The following CYP11B1 variants were observed in gnomAD, a reference collection of about 807,000 sequenced individuals.
CYP11B1 encodes cytochrome P450 11B1, mitochondrial.
Under a neutral mutation model 48.3 loss-of-function variants are expected in CYP11B1, and 34 were observed. That is an observed-to-expected ratio of 0.70 (90% CI 0.54 to 0.94). The LOEUF (loss-of-function observed/expected upper bound fraction) is 0.94. Ranked by LOEUF, CYP11B1 falls within the 40% of genes least tolerant of loss-of-function variation. The pLI is 0.00. For synonymous variants in CYP11B1, 291 were observed against 262.5 expected, an observed-to-expected ratio of 1.11 and a Z score of -1.05; for missense variants, 688 against 657.4, an observed-to-expected ratio of 1.05 and a Z score of -0.51.
chr8:142,876,110 A>C, intron 5 of CYP11B1, 131 bp downstream of exon 5: 1 of 1,350,910 alleles, frequency 7.4e-7, no homozygotes, highest in Non-Finnish European at 1.0e-6. Flanking sequence ...TCACATCACA[A>C]TCCCAAGTAA....
In CYP11B1 at chr8:142,877,106, G is replaced by A. The variant is rs201526062; in HGVS notation, c.512C>T (p.Ala171Val). 9 of 1,614,006 alleles carry A rather than the reference G, an allele frequency of 5.6e-6. No homozygotes were observed. In the East Asian group the frequency reaches 1.8e-4, roughly 32 times the overall value. ...GTTCTGCAGCACCTTCTTCTTCAGG[G>A]CCTGGGAGAAGTCCCTGGCCACTGC... ...VDAVARDFSQ[A>V]LKKKVLQNAR... Residue 171 changes from alanine (A) to valine (V), a missense_variant, in exon 3 of 9, where the codon GCC becomes GTC. Transcript: ENST00000292427.
Position 142,879,642 on chromosome 8 carries a change from C to T in CYP11B1, c.172G>A (p.Glu58Lys), listed in dbSNP as rs755069041. The T allele has an allele frequency of 1.2e-6, 2 of 1,614,242 alleles. No homozygotes were observed. Among genetic ancestry groups the T allele is most frequent in the South Asian group, 1.1e-5 (1 of 91,084 alleles). ...AGGTGCAGGTCCTCATAACCCTGCT[C>T]CCTCCAGATCTGCAGCAGCCTCAGC... ...RWLRLLQIWR[E>K]QGYEDLHLEV... is the part of the protein sequence containing the mutation. The change falls in exon 1 of 9, where the codon GAG becomes AAG. Residue 58 changes from glutamate to lysine, a missense_variant. By Grantham distance (56) the Glu-to-Lys change is moderately conservative. Transcript: ENST00000292427.
intron 5 of CYP11B1, 71 bp from the exon 6 acceptor site, chr8:142,875,949 A>G (rs1257198916): frequency 1.3e-6 from 2 of 1,586,726 alleles, no homozygotes; most frequent in African/African-American, 1.3e-5. Context: ...CCCTCCCAGG[A>G]CAACCTCCCT....
At chr8:142,877,262 A>G (rs551914122) in intron 2 of CYP11B1, 40 bp from the exon 3 acceptor site, 171 of 1,554,480 alleles carry the variant, frequency 1.1e-4, no homozygotes, top group Non-Finnish European at 1.4e-4. Flanking sequence ...CCGCCCCAGC[A>G]AGACACAGGC....
At chr8:142,876,923 C>T (rs368896004) in intron 3 of CYP11B1, 38 bp from the exon 4 acceptor site, 83 of 1,613,514 alleles carry the variant, frequency 5.1e-5, no homozygotes, top group Admixed American at 6.7e-5. Context: ...AAGGCAGCCC[C>T]GGGCCTCCTG....
At position 142,879,053 on chromosome 8, in the gene CYP11B1, T is replaced by A; in HGVS notation, c.374A>T (p.His125Leu). 5 of 1,614,210 alleles carry A rather than the reference T, an allele frequency of 3.1e-6. No homozygotes were observed. Among genetic ancestry groups the A allele is most frequent in the Non-Finnish European group, 4.2e-6 (5 of 1,180,042 alleles). The change falls in exon 2 of 9, where the codon CAC becomes CTC. Residue 125 changes from histidine to leucine, a missense_variant. Transcript: ENST00000292427. ...TTACAGCAAGAACACGCCACATTTG[T>A]GCCCACGATGTTGTCTGTAGGCCAC... ...PWVAYRQHRGHKCGVFLLNGP... is the reference protein window; with the variant it reads ...PWVAYRQHRGLKCGVFLLNGP...
At position 142,874,218 on chromosome 8, in the gene CYP11B1, T is replaced by A; in HGVS notation, c.*155A>T. On this transcript the variant is annotated 3_prime_UTR_variant, in exon 9 of 9. Transcript: ENST00000292427. ...TGCTGCTTAGCCTGGCAAACCCTGG[T>A]CCTAGAGGCCCTCGGGAGTTCCATT... The A allele has an allele frequency of 1.5e-6, 1 of 685,792 alleles. No individual in the cohort carries two copies. The highest frequency in any genetic ancestry group is 2.7e-6 in the Non-Finnish European group (1 of 371,812). 42.5% of individuals were successfully genotyped at this position (685,792 alleles called of 1,614,324 possible).
At position 142,874,326 on chromosome 8, in the gene CYP11B1, A is replaced by C; in HGVS notation, c.*47T>G. The C allele has an allele frequency of 2.2e-6, 3 of 1,374,248 alleles. No homozygotes were observed. The highest frequency in any genetic ancestry group is 3.1e-6 in the Non-Finnish European group (3 of 961,200). 85.1% of individuals were successfully genotyped at this position (1,374,248 alleles called of 1,614,324 possible). On this transcript the variant is annotated 3_prime_UTR_variant, in exon 9 of 9. Coordinates refer to ENST00000292427, the MANE Select transcript of CYP11B1 (RefSeq NM_000497.4). ...AGAGGGGTGGCCTGGGGTCAGGCAG[A>C]AAGGGAGGCTGGTGGCCAGGCTGGG... is the stretch of plus-strand genomic sequence containing the variant.
chr8:142,879,697 T>C lies in CYP11B1; in HGVS notation c.117A>G (p.Glu39=). Residue 39 remains glutamate (E), a synonymous_variant, in exon 1 of 9, where the codon GAA becomes GAG. Transcript: ENST00000292427. ...TGTTGCCTGGACGCCGGGGCATGGCTTCAAAGGGCAGCACTGTCCTGGGGA... is the reference window on the plus strand; with the variant it reads ...TGTTGCCTGGACGCCGGGGCATGGCCTCAAAGGGCAGCACTGTCCTGGGGA... ...ARVPRTVLPF[E]AMPRRPGNRW... is the part of the protein sequence containing the mutation. 1.2e-6 allele frequency: 2 copies of C among 1,614,236 alleles called. No homozygotes were observed. The highest frequency in any genetic ancestry group is 4.5e-5 in the East Asian group (2 of 44,886).
chr8:142,876,054 G>T, intron 5 of CYP11B1, 176 bp from the exon 6 acceptor site: 1 of 1,126,918 alleles, frequency 8.9e-7, no homozygotes. Flanking sequence ...GTCCTCCACA[G>T]AAAGGAACCC....
At chr8:142,878,643 C>T (rs1050986594) in intron 2 of CYP11B1, among the ~76,000 whole-genome samples, 1 of 152,232 alleles carries the variant, frequency 6.6e-6, no homozygotes, top group African/African-American at 2.4e-5. Context: ...CGGCGAACAC[C>T]AGGCTCAGTA....
Position 142,876,887 on chromosome 8 carries a change from T to C in CYP11B1, c.596-2A>G. On this transcript the variant is annotated splice_acceptor_variant, in intron 3 of 8. Coordinates refer to ENST00000292427, the MANE Select transcript of CYP11B1 (RefSeq NM_000497.4). LOFTEE classifies it high-confidence loss of function. ...CTCCAAAAAGAGCCAAGTTGCTGGC[T>C]GCGGGGAGGATGCACTGCTGAGCAC... 1.9e-6 allele frequency: 3 copies of C among 1,614,144 alleles called. No homozygotes were observed. Among genetic ancestry groups the C allele is most frequent in the Non-Finnish European group, 2.5e-6 (3 of 1,180,028 alleles).
In CYP11B1 at chr8:142,874,948, C is replaced by T. The variant is rs2130265954; in HGVS notation, c.1398+9G>A. 1.9e-6 allele frequency: 3 copies of T among 1,612,704 alleles called. No individual in the cohort carries two copies. Among genetic ancestry groups the T allele is most frequent in the Non-Finnish European group, 2.5e-6 (3 of 1,179,948 alleles). On this transcript the variant is annotated intron_variant, in intron 8 of 8. Transcript: ENST00000292427. ...CGCCCAGGCCCCTCCCCAGCCCGGG[C>T]CTGCTCACATGGTGCAGCAGCAGCA...
chr8:142,874,303 A>G lies in CYP11B1; in HGVS notation c.*70T>C. The G allele has an allele frequency of 9.7e-7, 1 of 1,027,118 alleles. No individual in the cohort carries two copies. Among genetic ancestry groups the G allele is most frequent in the Non-Finnish European group, 1.6e-6 (1 of 644,374 alleles). The allele number at this position is 1,027,118 out of a possible 1,614,324, so 63.6% of individuals were successfully genotyped here. On this transcript the variant is annotated 3_prime_UTR_variant, in exon 9 of 9. Coordinates refer to ENST00000292427, the MANE Select transcript of CYP11B1 (RefSeq NM_000497.4). ...GGAAGCTGTGCATGTGGGAGAGAAG[A>G]GGGGTGGCCTGGGGTCAGGCAGAAA...
chr8:142,874,271 T>A lies in CYP11B1; in HGVS notation c.*102A>T, dbSNP rs949008041. The stretch of plus-strand genomic sequence containing the variant: ...TGCTGGGGCTGGTTAGACAGAGGGG[T>A]GACTCAGGAAGCTGTGCATGTGGGA... On this transcript the variant is annotated 3_prime_UTR_variant, in exon 9 of 9. Transcript: ENST00000292427. 1.2e-5 allele frequency: 10 copies of A among 828,266 alleles called. No homozygotes were observed. The Admixed American group carries it at 1.6e-4, about 14-fold the overall frequency. The allele number at this position is 828,266 out of a possible 1,614,324, so 51.3% of individuals were successfully genotyped here.
At position 142,876,791 on chromosome 8, in the gene CYP11B1, C is replaced by A. The variant is rs1293373552; in HGVS notation, c.690G>T (p.Met230Ile). The change falls in exon 4 of 9, where the codon ATG (methionine) becomes ATT (isoleucine). Residue 230 changes from methionine to isoleucine, a missense_variant. Met to Ile is a conservative substitution (Grantham distance 10, BLOSUM62 1). Transcript: ENST00000292427. ...SLNFLHALEV[M>I]FKSTVQLMFM... is the part of the protein sequence containing the mutation. ...ACATGAGCTGGACGGTGGATTTGAA[C>A]ATGACCTCCAGGGCATGGAGGAAGT... The A allele has an allele frequency of 1.2e-6, 2 of 1,614,190 alleles. No homozygotes were observed. Among genetic ancestry groups the A allele is most frequent in the East Asian group, 4.5e-5 (2 of 44,882 alleles).
intron 2 of CYP11B1, among the ~76,000 whole-genome samples, chr8:142,878,103 G>A (rs565750586): frequency 1.3e-5 from 2 of 152,086 alleles, no homozygotes; most frequent in African/African-American, 4.8e-5. Flanking sequence ...GCAAATGCAG[G>A]TACAGAGAAA....
intron 5 of CYP11B1, 118 bp from the exon 6 acceptor site, chr8:142,875,996 G>A (rs780018420): frequency 2.3e-6 from 3 of 1,326,470 alleles, no homozygotes; most frequent in East Asian, 2.3e-5. Flanking sequence ...GAGAACGACA[G>A]AGCCCAAGAC....
rs752490109 is a variant in CYP11B1 at position 142,879,158 on chromosome 8, C to T, written c.269G>A (p.Cys90Tyr). 4 of 1,613,842 alleles carry T rather than the reference C, an allele frequency of 2.5e-6. No homozygotes were observed. The highest frequency in any genetic ancestry group is 3.4e-6 in the Non-Finnish European group (4 of 1,179,878). The change falls in exon 2 of 9, where the codon TGT becomes TAT. Residue 90 changes from cysteine (C) to tyrosine (Y), a missense_variant. Coordinates refer to ENST00000292427, the MANE Select transcript of CYP11B1 (RefSeq NM_000497.4). The part of the protein sequence containing the change: ...RYDLGGAGMV[C>Y]VMLPEDVEKL... ...CTCCACGTCCTCCGGCAGCATCACA[C>T]ACACCATGCCTGCTCCTCCCAAGTC...
Sources: gnomAD v4.1 joint callset for allele counts (sites outside exome capture counted in the v4.1 genomes callset) on GRCh38, gnomAD v4.1.1 for gene constraint, MANE v1.5 for transcripts, NCBI Gene and HGNC (gene_info 2026-07-23, HGNC 2026-07-21) for gene names.